Variants in KIAA1217 observed in about 807,000 individuals in gnomAD.
KIAA1217 encodes sickle tail protein homolog.
A neutral mutation model predicts 163.9 loss-of-function variants in KIAA1217; 88 were observed. That is an observed-to-expected ratio of 0.54 (90% CI 0.45 to 0.64). The LOEUF is 0.64. KIAA1217 is among the 30% of genes least tolerant of loss of function. The probability of loss-of-function intolerance (pLI) is 0.00; values close to 1 mark genes in which losing one functional copy is unlikely to be tolerated. For synonymous variants in KIAA1217, 903 were observed against 923.1 expected (o/e 0.98, Z 0.39); for missense variants, 2,372 against 2,475.0 (o/e 0.96, Z 0.88).
intron 2 of KIAA1217, among the ~76,000 whole-genome samples, chr10:24,066,980 G>A (rs1451631744): frequency 6.6e-6 from 1 of 152,154 alleles, no homozygotes; most frequent in Non-Finnish European, 1.5e-5. Context: ...TCATGCCATG[G>A]TTTTCAGCTC....
rs983689799 is a variant in KIAA1217 at position 23,848,951 on chromosome 10, T to C, written c.-321+153717T>C. ...GCTTTGAGTTATTAACTTAATATAT[T>C]CCTCTTTGACTAAATTATTAGCTCT... On this transcript the variant is annotated intron_variant, in intron 1 of 18. Coordinates refer to the KIAA1217 transcript ENST00000376462. Among the ~76,000 whole-genome samples, 3 of 152,244 alleles carry C rather than the reference T, an allele frequency of 2.0e-5. 1 individual carries two copies. Among genetic ancestry groups the C allele is most frequent in the Admixed American group, 2.0e-4 (3 of 15,272 alleles).
At chr10:24,491,683 C>T (rs2066171776) in intron 6 of KIAA1217, among the ~76,000 whole-genome samples, 1 of 152,176 alleles carries the variant, frequency 6.6e-6, no homozygotes, top group African/African-American at 2.4e-5. Context: ...TGGTCTAGCC[C>T]TAACCAGCAT....
intron 2 of KIAA1217, among the ~76,000 whole-genome samples, chr10:24,014,771 A>C (rs1847399039): frequency 6.6e-6 from 1 of 152,166 alleles, no homozygotes; most frequent in Non-Finnish European, 1.5e-5. Context: ...TCACACATGA[A>C]AAATGTACTA....
chr10:23,971,521 A>G (rs753862877), intron 1 of KIAA1217, among the ~76,000 whole-genome samples: 23 of 152,228 alleles, frequency 1.5e-4, no homozygotes, highest in Admixed American at 6.5e-4. Context: ...TAACAACTAT[A>G]CCTTCCTTCC....
chr10:23,880,118 A>G (rs1379356850), intron 1 of KIAA1217, among the ~76,000 whole-genome samples: 1 of 151,944 alleles, frequency 6.6e-6, no homozygotes, highest in African/African-American at 2.4e-5. Flanking sequence ...AGAAGTGAGC[A>G]TGGTATGAAA....
At chr10:23,895,238 T>C (rs1422314722) in intron 1 of KIAA1217, among the ~76,000 whole-genome samples, 2 of 152,088 alleles carry the variant, frequency 1.3e-5, no homozygotes, top group African/African-American at 4.8e-5. Flanking sequence ...TCACAAACTA[T>C]TCATCTGACA....
At chr10:24,347,168 C>A (rs1216728948) in intron 2 of KIAA1217, among the ~76,000 whole-genome samples, 1 of 152,138 alleles carries the variant, frequency 6.6e-6, no homozygotes, top group East Asian at 1.9e-4. Flanking sequence ...AGGTCGCAAC[C>A]ACTTGGTGAG....
chr10:23,980,062 G>A (rs547055686), intron 1 of KIAA1217, among the ~76,000 whole-genome samples: 6 of 152,066 alleles, frequency 3.9e-5, no homozygotes, highest in Non-Finnish European at 7.3e-5. Flanking sequence ...CTGATGACAG[G>A]AATGTGTCTA....
chr10:24,180,158 A>G (rs561959793), intron 2 of KIAA1217, among the ~76,000 whole-genome samples: 46 of 152,016 alleles, frequency 3.0e-4, no homozygotes, highest in African/African-American at 1.1e-3. Flanking sequence ...ACTCAGAAAA[A>G]TCCTTATGCC....
chr10:24,427,995 G>A (rs554828777), intron 3 of KIAA1217, among the ~76,000 whole-genome samples: 1 of 152,168 alleles, frequency 6.6e-6, no homozygotes, highest in Non-Finnish European at 1.5e-5. Flanking sequence ...CTGGACTCAT[G>A]CACCCAGCTG....
intron 2 of KIAA1217, among the ~76,000 whole-genome samples, chr10:24,186,950 T>A (rs1056596613): frequency 1.3e-5 from 2 of 152,198 alleles, no homozygotes; most frequent in Admixed American, 1.3e-4. Context: ...TCTTCCCCAG[T>A]TCATTTTACT....
intron 3 of KIAA1217, among the ~76,000 whole-genome samples, chr10:24,389,481 C>A (rs1183589074): frequency 6.6e-6 from 1 of 151,584 alleles, no homozygotes; most frequent in Non-Finnish European, 1.5e-5. Flanking sequence ...AGCACACCAA[C>A]ATGGCACATG....
chr10:23,718,225 A>G (rs1215279803), intron 1 of KIAA1217, among the ~76,000 whole-genome samples: 1 of 152,224 alleles, frequency 6.6e-6, no homozygotes, highest in Non-Finnish European at 1.5e-5. Context: ...ATCAATAGAA[A>G]GTGGGGCCAC....
chr10:24,426,145 A>G (rs780256940), intron 3 of KIAA1217, among the ~76,000 whole-genome samples: 1 of 152,234 alleles, frequency 6.6e-6, no homozygotes, highest in Non-Finnish European at 1.5e-5. Flanking sequence ...GACGCCCTTC[A>G]GGGAAAATGG....
At chr10:24,372,162 A>G (rs1564559506) in intron 2 of KIAA1217, among the ~76,000 whole-genome samples, 1 of 152,188 alleles carries the variant, frequency 6.6e-6, no homozygotes. Flanking sequence ...CAGAAAACCA[A>G]TCACTGAGAC....
At chr10:24,239,253 C>G (rs1412597973) in intron 2 of KIAA1217, 1 of 985,272 alleles carries the variant, frequency 1.0e-6, no homozygotes, top group African/African-American at 1.7e-5. Flanking sequence ...AAGGAAGACC[C>G]TGGAGTCCGT....
intron 2 of KIAA1217, among the ~76,000 whole-genome samples, chr10:24,193,298 C>T (rs2066816263): frequency 6.6e-6 from 1 of 152,180 alleles, no homozygotes; most frequent in African/African-American, 2.4e-5. Flanking sequence ...AATCTTATAA[C>T]TCTGATTTTA....
chr10:24,302,923 G>C (rs1414081723), intron 2 of KIAA1217, among the ~76,000 whole-genome samples: 1 of 152,146 alleles, frequency 6.6e-6, no homozygotes, highest in African/African-American at 2.4e-5. Context: ...ACCATATGGG[G>C]GTGGGACATA....
At chr10:23,737,123 G>A (rs80037138) in intron 1 of KIAA1217, among the ~76,000 whole-genome samples, 2,486 of 152,232 alleles carry the variant, frequency 0.016, 69 homozygotes, top group African/African-American at 0.057. Context: ...GGTATGTCTT[G>A]CACATCATTT....
Sources: allele counts gnomAD v4.1 joint callset (sites outside exome capture counted in the v4.1 genomes callset), GRCh38; gene constraint gnomAD v4.1.1; transcripts MANE v1.5; gene names NCBI Gene and HGNC (gene_info 2026-07-23, HGNC 2026-07-21).